The following NAV1 variants were observed in gnomAD, a reference collection of about 807,000 sequenced individuals.
The protein encoded by NAV1 is pore membrane and/or filament interacting like protein 3.
In NAV1, 18 loss-of-function variants were observed where a neutral mutation model predicts 175.2. The observed-to-expected ratio is 0.10, with a 90% CI of 0.07 to 0.15. NAV1 has a LOEUF of 0.15. Among genes scored for constraint, NAV1 ranks in the 10% least tolerant of loss-of-function variants. The pLI is 1.00. For synonymous variants in NAV1, 897 were observed against 978.7 expected, an observed-to-expected ratio of 0.92 and a Z score of 1.56; for missense variants, 1,731 against 2,436.6, an observed-to-expected ratio of 0.71 and a Z score of 6.10.
rs1176141534 is a variant in NAV1 at position 201,812,598 on chromosome 1, C to T, written c.5158C>T (p.Pro1720Ser). Reference sequence around the variant, plus strand: ...GCTGCTTCGGGTGCTCGACTGGGTACCCAAGCTGTGGTATCATCTCCACAC... The same window carrying T: ...GCTGCTTCGGGTGCTCGACTGGGTATCCAAGCTGTGGTATCATCTCCACAC... Residue 1720 changes from proline (P) to serine (S), a missense_variant, in exon 27 of 30, where the codon CCC becomes TCC. Physicochemically the swap from Pro to Ser is moderately conservative, Grantham distance 74. Around this residue, in one of 13 missense-constraint regions of NAV1, gnomAD observed 115 missense variants for 269.4 expected, o/e 0.43. Transcript: ENST00000367296. The surrounding 1 kb of genome is among the most constrained non-coding windows in gnomAD (Gnocchi z 4.6). 1 of 1,614,154 alleles carries T rather than the reference C, an allele frequency of 6.2e-7. No individual in the cohort carries two copies. Among genetic ancestry groups the T allele is most frequent in the Non-Finnish European group, 8.5e-7 (1 of 1,180,038 alleles).
exon 2 of NAV1, chr1:201,712,915 C>A: frequency 6.2e-7 from 1 of 1,611,994 alleles, no homozygotes; most frequent in South Asian, 1.1e-5. Context: ...CCAGGTGACT[C>A]ACAGGTAAGC....
chr1:201,718,901 T>A lies in NAV1; in HGVS notation c.1226+146T>A, dbSNP rs540906682. ...ACACAAAAGTGTGCTGTGTACACTT[T>A]GTGATTGCCTCTGAAATTCGATGTG... On this transcript the variant is annotated intron_variant, in intron 3 of 29. Coordinates refer to ENST00000367296, the Ensembl canonical transcript of NAV1. This position sits in a 1 kb window ranked among gnomAD's most constrained non-coding sequence, Gnocchi z 4.8. The A allele has an allele frequency of 4.3e-4, 455 of 1,060,548 alleles. 8 individuals are homozygous for A. In the South Asian group the frequency reaches 6.9e-3, roughly 16 times the overall value. 65.7% of individuals were successfully genotyped at this position (1,060,548 alleles called of 1,614,324 possible).
At chr1:201,583,070 G>A (rs991492651) in intron 1 of NAV1, among the ~76,000 whole-genome samples, 2 of 152,392 alleles carry the variant, frequency 1.3e-5, no homozygotes. Context: ...CTGGCATTGT[G>A]CAGCTCAGCC....
At chr1:201,815,855 C>T (rs1389390397) in intron 28 of NAV1, among the ~76,000 whole-genome samples, 5 of 152,136 alleles carry the variant, frequency 3.3e-5, no homozygotes, top group African/African-American at 1.2e-4. Context: ...TCTCCTGCCT[C>T]AGCCTCCCAA....
exon 30 of NAV1, chr1:201,821,917 C>G (rs1293565402): frequency 6.6e-6 from 1 of 152,244 alleles, no homozygotes; most frequent in African/African-American, 2.4e-5. Flanking sequence ...TCTTCAGATT[C>G]CTAAGTAGCA....
At chr1:201,559,751 G>A (rs759867038) in intron 1 of NAV1, among the ~76,000 whole-genome samples, 2 of 152,192 alleles carry the variant, frequency 1.3e-5, no homozygotes, top group Non-Finnish European at 1.5e-5. Flanking sequence ...TAATAAAGGC[G>A]GTGTAGAGGG....
intron 1 of NAV1, among the ~76,000 whole-genome samples, chr1:201,665,300 G>A (rs895062242): frequency 1.5e-4 from 23 of 151,838 alleles, no homozygotes; most frequent in Non-Finnish European, 3.4e-4. Context: ...CCTCTTTTCC[G>A]AGGCCAGCTC....
chr1:201,670,174 G>A (rs752941785), intron 1 of NAV1, among the ~76,000 whole-genome samples: 3 of 151,452 alleles, frequency 2.0e-5, no homozygotes, highest in East Asian at 1.9e-4. Flanking sequence ...GGCAGATCAC[G>A]AGGTCAGGAG....
chr1:201,792,487 G>A (rs1571498408), intron 13 of NAV1: 1 of 152,456 alleles, frequency 6.6e-6, no homozygotes, highest in East Asian at 1.9e-4. Context: ...GGGGAGAGCG[G>A]GGAGAAAGCC....
chr1:201,693,730 G>A (rs981144354), intron 1 of NAV1, among the ~76,000 whole-genome samples: 1 of 152,160 alleles, frequency 6.6e-6, no homozygotes, highest in Non-Finnish European at 1.5e-5. Context: ...AGGGATGGAG[G>A]AAGCAAAGAT....
chr1:201,648,117 G>T, upstream of NAV1: 2 of 320,968 alleles, frequency 6.2e-6, no homozygotes, highest in African/African-American at 5.9e-5. Flanking sequence ...GCGCACACTC[G>T]CTCCCCTCCT....
At chr1:201,687,803 G>A (rs963501058) in intron 1 of NAV1, among the ~76,000 whole-genome samples, 2 of 152,164 alleles carry the variant, frequency 1.3e-5, no homozygotes, top group African/African-American at 4.8e-5. Flanking sequence ...TGTGGCCTGG[G>A]AACTGATGGG....
exon 25 of NAV1, chr1:201,811,646 G>A (rs774713623): frequency 1.9e-6 from 3 of 1,614,062 alleles, no homozygotes; most frequent in Non-Finnish European, 1.7e-6. Flanking sequence ...CAGATAGACC[G>A]GGAAACAGGA....
In NAV1 at chr1:201,700,884, G is replaced by A. The variant is rs1157540184; in HGVS notation, c.758-11933G>A. On this transcript the variant is annotated intron_variant, in intron 1 of 29. Transcript: ENST00000367296. ...AAATTAGCCAGGCGTGGTGGCAGGC[G>A]CCTGTAGTCCCAGCTACTCGGGAGG... Among the ~76,000 whole-genome samples, 13 of 151,560 alleles carry A rather than the reference G, an allele frequency of 8.6e-5. 1 individual carries two copies. In the South Asian group the frequency reaches 1.5e-3, roughly 17 times the overall value.
At chr1:201,708,435 TGC>T (rs761155804) in intron 1 of NAV1, among the ~76,000 whole-genome samples, 1 of 129,512 alleles carries the variant, frequency 7.7e-6, no homozygotes, top group South Asian at 2.4e-4. Context: ...AAACCCTACT[TGC>T]GCGCACACAC....
chr1:201,702,419 T>C (rs1409162987), intron 1 of NAV1, among the ~76,000 whole-genome samples: 1 of 152,152 alleles, frequency 6.6e-6, no homozygotes, highest in African/African-American at 2.4e-5. Flanking sequence ...CAGGCTGGAG[T>C]GCAATGGTGC....
chr1:201,586,506 T>C (rs673558), intron 1 of NAV1, among the ~76,000 whole-genome samples: 7,319 of 152,122 alleles, frequency 0.048, 413 homozygotes, highest in East Asian at 0.16. Context: ...TTTCACACAG[T>C]TCTGGAGTCT....
chr1:201,638,804 C>T (rs1668674280), intron 2 of NAV1, among the ~76,000 whole-genome samples: 1 of 152,218 alleles, frequency 6.6e-6, no homozygotes, highest in Non-Finnish European at 1.5e-5. Flanking sequence ...CATTACATGT[C>T]TAAGAGGGTC....
chr1:201,675,196 A>G (rs147363233), intron 1 of NAV1, among the ~76,000 whole-genome samples: 145 of 152,220 alleles, frequency 9.5e-4, no homozygotes, highest in African/African-American at 3.3e-3. Context: ...CCAGGTACCA[A>G]TCTGTCCACC....
Sources: gnomAD v4.1 joint callset for allele counts (sites outside exome capture counted in the v4.1 genomes callset) on GRCh38, gnomAD v4.1.1 for gene constraint, gnomAD v4.1.1 regional missense constraint, Gnocchi (gnomAD v3.1) non-coding constraint, MANE v1.5 for transcripts, NCBI Gene and HGNC (gene_info 2026-07-23, HGNC 2026-07-21) for gene names.